The following PARD3 variants were observed in gnomAD, a reference collection of about 807,000 sequenced individuals.
The protein encoded by PARD3 is partitioning defective 3 homolog.
In PARD3, 75 loss-of-function variants were observed where a neutral mutation model predicts 155.4. The ratio of observed to expected loss-of-function variants is 0.48; its 90% CI spans 0.40 to 0.58. The LOEUF (loss-of-function observed/expected upper bound fraction) is 0.58, where lower values mean the gene tolerates loss of function less well. Ranked by LOEUF, PARD3 falls within the 20% of genes least tolerant of loss-of-function variation. The pLI, the probability that PARD3 is intolerant of heterozygous loss-of-function variation, is 0.00. For synonymous variants in PARD3, 576 were observed against 610.5 expected (o/e 0.94, Z 0.83); for missense variants, 1,642 against 1,721.7 (o/e 0.95, Z 0.82).
chr10:34,510,989 AT>A (rs1246016685), intron 3 of PARD3, among the ~76,000 whole-genome samples: 1 of 152,222 alleles, frequency 6.6e-6, no homozygotes, highest in Non-Finnish European at 1.5e-5. Flanking sequence ...CCTCATTTAA[AT>A]CAGGATTTAA....
At chr10:34,423,198 T>C (rs1282007273) in intron 5 of PARD3, among the ~76,000 whole-genome samples, 2 of 152,164 alleles carry the variant, frequency 1.3e-5, no homozygotes, top group Admixed American at 6.6e-5. Context: ...GAGGACATTA[T>C]GTTAAGTGAA....
At chr10:34,587,773 G>T (rs910518538) in intron 2 of PARD3, among the ~76,000 whole-genome samples, 3 of 152,112 alleles carry the variant, frequency 2.0e-5, no homozygotes, top group Non-Finnish European at 2.9e-5. Flanking sequence ...TGACTAGTTA[G>T]AAGTATAAGG....
intron 4 of PARD3, among the ~76,000 whole-genome samples, chr10:34,463,796 T>A (rs1032348554): frequency 3.3e-5 from 5 of 152,216 alleles, no homozygotes; most frequent in Non-Finnish European, 5.9e-5. Flanking sequence ...TTACTATACT[T>A]CTTCTATGTT....
At chr10:34,768,378 C>T in intron 1 of PARD3, among the ~76,000 whole-genome samples, 1 of 152,028 alleles carries the variant, frequency 6.6e-6, no homozygotes, top group South Asian at 2.1e-4. Context: ...GGCGGGACAA[C>T]TCGAAGCAAA....
In PARD3 at chr10:34,609,649, C is replaced by T. The variant is rs111528435; in HGVS notation, c.222+86669G>A. 6.9e-3 allele frequency among the ~76,000 whole-genome samples: 1,055 copies of T among 152,270 alleles called. 15 individuals are homozygous for T. The highest frequency in any genetic ancestry group is 0.024 in the African/African-American group (988 of 41,538). On this transcript the variant is annotated intron_variant, in intron 2 of 24. Transcript: ENST00000374788. ...TCCTGAACTCCTGGACTCCAGTGAT[C>T]CTCCCGTCTCAGCCTCCATAGTAGC...
chr10:34,267,688 C>T (rs17554398), intron 22 of PARD3, among the ~76,000 whole-genome samples: 10,404 of 152,218 alleles, frequency 0.068, 494 homozygotes, highest in Non-Finnish European at 0.097. Context: ...GGGTGCAAAA[C>T]GTAGCAACCA....
At position 34,124,792 on chromosome 10, in the gene PARD3, C is replaced by T. The variant is rs572338241; in HGVS notation, c.3541-5052G>A. Among the ~76,000 whole-genome samples, 8 of 152,292 alleles carry T rather than the reference C, an allele frequency of 5.3e-5. No individual in the cohort carries two copies. The South Asian group carries it at 1.5e-3, about 28-fold the overall frequency. ...CACCAGTGCTTAGATCTTTTATCCC[C>T]GCCCCCATCTTAAGCAATAGGAACA... On this transcript the variant is annotated intron_variant, in intron 23 of 24. Coordinates refer to ENST00000374788, the MANE Select transcript of PARD3 (RefSeq NM_001184785.2).
intron 22 of PARD3, among the ~76,000 whole-genome samples, chr10:34,150,909 G>C (rs981424581): frequency 6.6e-6 from 1 of 152,226 alleles, no homozygotes; most frequent in Non-Finnish European, 1.5e-5. Context: ...AATGTGAGAT[G>C]AATACCTGCT....
At chr10:34,721,427 G>C (rs1294953894) in intron 1 of PARD3, among the ~76,000 whole-genome samples, 2 of 152,162 alleles carry the variant, frequency 1.3e-5, no homozygotes, top group Non-Finnish European at 2.9e-5. Flanking sequence ...CTGCACACAG[G>C]GTGTGCCTGG....
chr10:34,703,998 G>T (rs1480108030), intron 1 of PARD3, among the ~76,000 whole-genome samples: 1 of 152,148 alleles, frequency 6.6e-6, no homozygotes, highest in Admixed American at 6.6e-5. Context: ...AACCATGAAT[G>T]AGAATGACAC....
At chr10:34,277,865 G>A (rs960388265) in intron 21 of PARD3, among the ~76,000 whole-genome samples, 1 of 152,124 alleles carries the variant, frequency 6.6e-6, no homozygotes, top group African/African-American at 2.4e-5. Context: ...TGTGCTTAGG[G>A]GGAGAGAGAC....
intron 1 of PARD3, among the ~76,000 whole-genome samples, chr10:34,814,229 T>A (rs1184594929): frequency 6.6e-6 from 1 of 151,636 alleles, no homozygotes; most frequent in East Asian, 1.9e-4. Flanking sequence ...GCGGTGGCCC[T>A]CCCGGGAACG....
chr10:34,506,437 T>C (rs2081067466), intron 3 of PARD3, among the ~76,000 whole-genome samples: 2 of 152,182 alleles, frequency 1.3e-5, no homozygotes, highest in South Asian at 2.1e-4. Context: ...TGAAAATCTT[T>C]TCTAAGTCTC....
chr10:34,621,487 C>T (rs1300287434), intron 2 of PARD3, among the ~76,000 whole-genome samples: 2 of 152,128 alleles, frequency 1.3e-5, no homozygotes, highest in African/African-American at 2.4e-5. Flanking sequence ...CAAGCCACCG[C>T]GCCCGGCCTA....
intron 22 of PARD3, among the ~76,000 whole-genome samples, chr10:34,143,387 T>C (rs1948298796): frequency 6.6e-6 from 1 of 152,216 alleles, no homozygotes; most frequent in African/African-American, 2.4e-5. Context: ...TGGGTTTTGA[T>C]GACACAATAA....
intron 21 of PARD3, among the ~76,000 whole-genome samples, chr10:34,283,804 C>T (rs1956263051): frequency 6.6e-6 from 1 of 151,606 alleles, no homozygotes; most frequent in Admixed American, 6.6e-5. Flanking sequence ...ATATATCAGG[C>T]AGGATTTTAA....
chr10:34,312,095 C>A (rs141248341), intron 20 of PARD3, among the ~76,000 whole-genome samples: 1 of 151,856 alleles, frequency 6.6e-6, no homozygotes, highest in African/African-American at 2.4e-5. Flanking sequence ...TGAAAAGGGG[C>A]CAATAAAGAA....
At chr10:34,724,627 T>C (rs1396696776) in intron 1 of PARD3, among the ~76,000 whole-genome samples, 1 of 152,238 alleles carries the variant, frequency 6.6e-6, no homozygotes, top group South Asian at 2.1e-4. Flanking sequence ...AACTGGCTAG[T>C]TGTCATTAAA....
At chr10:34,696,252 AC>A in intron 2 of PARD3, 65 bp downstream of exon 2, 1 of 817,406 alleles carries the variant, frequency 1.2e-6, no homozygotes. Flanking sequence ...AAAGAATCGC[AC>A]CCGCTCCCTA....
Sources: gnomAD v4.1 joint callset for allele counts (sites outside exome capture counted in the v4.1 genomes callset) on GRCh38, gnomAD v4.1.1 for gene constraint, MANE v1.5 for transcripts, NCBI Gene and HGNC (gene_info 2026-07-23, HGNC 2026-07-21) for gene names.